ASTN2: variants seen among roughly 807,000 people sequenced by gnomAD.
ASTN2 encodes astrotactin-2.
A neutral mutation model predicts 139.8 loss-of-function variants in ASTN2; 54 were observed. The ratio of observed to expected loss-of-function variants is 0.39; its 90% CI spans 0.31 to 0.48. The LOEUF is 0.48. Ranked by LOEUF, ASTN2 falls within the 20% of genes least tolerant of loss-of-function variation. ASTN2 has a pLI of 0.95. For synonymous variants in ASTN2, 756 were observed against 719.5 expected, an observed-to-expected ratio of 1.05 and a Z score of -0.81; for missense variants, 1,565 against 1,725.1, an observed-to-expected ratio of 0.91 and a Z score of 1.64.
chr9:116,511,588 TG>T (rs1211817011), intron 19 of ASTN2, among the ~76,000 whole-genome samples: 3 of 152,300 alleles, frequency 2.0e-5, no homozygotes, highest in African/African-American at 7.2e-5. Flanking sequence ...GTACGAGCTC[TG>T]CCTTGTACCT....
intron 13 of ASTN2, among the ~76,000 whole-genome samples, chr9:116,777,421 T>C (rs1386133054): frequency 1.3e-5 from 2 of 152,146 alleles, no homozygotes; most frequent in African/African-American, 4.8e-5. Context: ...GGGAGTGGCT[T>C]ATCACACAGA....
At chr9:116,839,885 T>TATTATTA (rs1564297207) in intron 11 of ASTN2, among the ~76,000 whole-genome samples, 8 of 116,590 alleles carry the variant, frequency 6.9e-5, no homozygotes, top group African/African-American at 3.1e-4. Flanking sequence ...ATTATTATTT[T>TATTATTA]TTTTTTTTTA....
intron 3 of ASTN2, among the ~76,000 whole-genome samples, chr9:117,147,058 A>T (rs1213230515): frequency 6.6e-6 from 1 of 152,058 alleles, no homozygotes; most frequent in Non-Finnish European, 1.5e-5. Flanking sequence ...TATTATTTTT[A>T]AAAATAAGGG....
intron 16 of ASTN2, chr9:116,686,613 T>C: frequency 7.2e-7 from 1 of 1,385,280 alleles, no homozygotes; most frequent in South Asian, 1.2e-5. Flanking sequence ...TTCCCTCAAA[T>C]CTCAGGCCAG....
intron 3 of ASTN2, among the ~76,000 whole-genome samples, chr9:117,150,197 T>A (rs1344541454): frequency 6.6e-6 from 1 of 152,212 alleles, no homozygotes; most frequent in Non-Finnish European, 1.5e-5. Context: ...AGAACACAGA[T>A]GGTCTCTAAG....
chr9:116,962,368 C>T (rs1835898220), intron 10 of ASTN2, among the ~76,000 whole-genome samples: 1 of 152,186 alleles, frequency 6.6e-6, no homozygotes, highest in Admixed American at 6.5e-5. Flanking sequence ...TCCCTCTGCC[C>T]ACTCCCAAAA....
intron 5 of ASTN2, among the ~76,000 whole-genome samples, chr9:117,050,256 C>T (rs940293769): frequency 2.6e-5 from 4 of 152,084 alleles, no homozygotes; most frequent in Non-Finnish European, 5.9e-5. Context: ...GGACCAGTCA[C>T]CTCCCATTTC....
At chr9:117,180,893 G>A in intron 3 of ASTN2, 3 of 1,588,364 alleles carry the variant, frequency 1.9e-6, no homozygotes, top group Non-Finnish European at 1.7e-6. Context: ...GCCCTGCGCA[G>A]GGCCTCAATT....
chr9:117,001,907 TTG>T (rs1208622980), intron 7 of ASTN2, among the ~76,000 whole-genome samples: 2 of 152,210 alleles, frequency 1.3e-5, no homozygotes, highest in Non-Finnish European at 2.9e-5. Context: ...ATTGTGCAAT[TTG>T]TCTGTGATTT....
chr9:117,161,111 C>A (rs1189295920), intron 3 of ASTN2, among the ~76,000 whole-genome samples: 1 of 151,984 alleles, frequency 6.6e-6, no homozygotes. Context: ...GCCAGAATAT[C>A]TCAAGTCTCT....
intron 4 of ASTN2, among the ~76,000 whole-genome samples, chr9:117,107,057 T>C (rs1024063183): frequency 1.3e-5 from 2 of 152,140 alleles, no homozygotes; most frequent in Non-Finnish European, 2.9e-5. Flanking sequence ...TGTGAGAAAA[T>C]AAATATAGAT....
intron 5 of ASTN2, among the ~76,000 whole-genome samples, chr9:117,092,066 G>A (rs950148824): frequency 1.3e-5 from 2 of 152,144 alleles, no homozygotes; most frequent in Admixed American, 1.3e-4. Flanking sequence ...TGAAGGAGAT[G>A]TAGTGACTGC....
chr9:117,207,877 ATC>A (rs538664162), intron 3 of ASTN2, among the ~76,000 whole-genome samples: 207 of 152,348 alleles, frequency 1.4e-3, no homozygotes, highest in African/African-American at 4.9e-3. Context: ...GTCACTGAGT[ATC>A]TTACAAATGT....
chr9:116,725,964 G>C lies in ASTN2; in HGVS notation c.2627-14C>G. 6.2e-7 allele frequency: 1 copy of C among 1,605,108 alleles called. No individual in the cohort carries two copies. The highest frequency in any genetic ancestry group is 1.1e-5 in the South Asian group (1 of 89,676). On this transcript the variant is annotated splice_polypyrimidine_tract_variant and intron_variant, in intron 15 of 22. Transcript: ENST00000313400. Reference sequence around the variant, plus strand: ...CATTAGTGAAGCCTGGACAAGAGAGGAGCATGTGGAGGTGGTCAGATGTGA... The same window carrying C: ...CATTAGTGAAGCCTGGACAAGAGAGCAGCATGTGGAGGTGGTCAGATGTGA...
At chr9:117,196,350 A>G (rs1831501561) in intron 3 of ASTN2, among the ~76,000 whole-genome samples, 1 of 152,262 alleles carries the variant, frequency 6.6e-6, no homozygotes. Flanking sequence ...AGCCTAATCA[A>G]TCCTTCCATC....
intron 1 of ASTN2, among the ~76,000 whole-genome samples, chr9:117,375,435 A>G (rs1013141515): frequency 6.6e-6 from 1 of 152,232 alleles, no homozygotes; most frequent in Non-Finnish European, 1.5e-5. Flanking sequence ...CAATGTCTGT[A>G]CCACCAGTTC....
intron 10 of ASTN2, among the ~76,000 whole-genome samples, chr9:116,939,691 T>C (rs1268016387): frequency 4.6e-5 from 7 of 152,206 alleles, no homozygotes; most frequent in Non-Finnish European, 1.0e-4. Flanking sequence ...ACAGGCCTGT[T>C]CTGAGTGCTA....
chr9:116,799,888 C>T (rs1226782641), intron 13 of ASTN2, among the ~76,000 whole-genome samples: 1 of 152,116 alleles, frequency 6.6e-6, no homozygotes, highest in African/African-American at 2.4e-5. Flanking sequence ...GGATAAGAAA[C>T]AACAAAGCTT....
rs1282960394 is a variant in ASTN2, at chr9:116,999,562, T to C, written c.1591+8530A>G. On this transcript the variant is annotated intron_variant, in intron 7 of 22. Coordinates refer to ENST00000313400, the MANE Select transcript of ASTN2 (RefSeq NM_001365068.1). The stretch of plus-strand genomic sequence containing the variant: ...TTTCTCTCTTTCTTTTTTTTTTTTT[T>C]TTTTTTTTTTTTTTTTGGACAGAGT... Among the ~76,000 whole-genome samples the C allele has an allele frequency of 4.4e-4, 34 of 76,614 alleles. 2 individuals carry two copies. In the East Asian group the frequency reaches 0.013, roughly 29 times the overall value. The allele number at this position is 76,614 out of a possible 152,430, so 50.3% of individuals were successfully genotyped here. A position where few individuals can be genotyped will look rare whatever the true frequency, so the allele number is the denominator to read the frequency against.
Sources: gnomAD v4.1 joint callset for allele counts (sites outside exome capture counted in the v4.1 genomes callset) on GRCh38, gnomAD v4.1.1 for gene constraint, MANE v1.5 for transcripts, NCBI Gene and HGNC (gene_info 2026-07-23, HGNC 2026-07-21) for gene names.